ACTG2: variants seen among roughly 807,000 people sequenced by gnomAD.
The protein encoded by ACTG2 is actin gamma 2, smooth muscle.
Under a neutral mutation model 37.6 loss-of-function variants are expected in ACTG2, and 16 were observed. The observed-to-expected ratio is 0.43, with a 90% confidence interval of 0.29 to 0.65. The LOEUF (loss-of-function observed/expected upper bound fraction) is 0.65. Ranked by LOEUF, ACTG2 falls within the 30% of genes least tolerant of loss-of-function variation. ACTG2 has a pLI of 0.18. For missense variants in ACTG2, 238 were observed against 490.9 expected (o/e 0.48, Z 4.87); for synonymous variants, 181 against 179.9 (o/e 1.01, Z -0.05).
chr2:73,916,942 T>C (rs1680283798), intron 8 of ACTG2, among the ~76,000 whole-genome samples, 177 bp downstream of exon 8: 2 of 152,222 alleles, frequency 1.3e-5, no homozygotes, highest in African/African-American at 4.8e-5. Flanking sequence ...ATTGATGGGC[T>C]GAAGACCCAC....
intron 3 of ACTG2, among the ~76,000 whole-genome samples, chr2:73,908,121 C>A (rs930400494): frequency 2.0e-5 from 3 of 152,204 alleles, no homozygotes; most frequent in African/African-American, 7.2e-5. Flanking sequence ...ACAGAGGGAG[C>A]TCTCACACCC....
intron 3 of ACTG2, chr2:73,908,330 G>T (rs184183916): frequency 7.5e-5 from 36 of 479,998 alleles, no homozygotes; most frequent in African/African-American, 7.1e-4. Context: ...ATAGCCAGAA[G>T]CCAGAAAGCA....
chr2:73,905,829 T>G (rs538702564), intron 3 of ACTG2, among the ~76,000 whole-genome samples: 1 of 152,176 alleles, frequency 6.6e-6, no homozygotes, highest in East Asian at 1.9e-4. Flanking sequence ...CAAAGATAAC[T>G]ATCATAGGAT....
Position 73,913,598 on chromosome 2 carries a change from T to G in ACTG2, c.565T>G (p.Tyr189Asp). Residue 189 changes from tyrosine to aspartate, a missense_variant, in exon 6 of 9, where the codon TAC (tyrosine) becomes GAC (aspartate). Coordinates refer to ENST00000345517, the MANE Select transcript of ACTG2 (RefSeq NM_001615.4). ...CTTGGCTGGCCGTGACCTCACGGAC[T>G]ACCTCATGAAGATCCTCACAGAGAG... The part of the protein sequence containing the change: ...LDLAGRDLTD[Y>D]LMKILTERGY... 6.2e-7 allele frequency: 1 copy of G among 1,613,918 alleles called. No individual in the cohort carries two copies. Among genetic ancestry groups the G allele is most frequent in the Non-Finnish European group, 8.5e-7 (1 of 1,179,884 alleles).
chr2:73,895,465 A>G (rs1295541655), intron 1 of ACTG2, among the ~76,000 whole-genome samples: 2 of 152,114 alleles, frequency 1.3e-5, no homozygotes, highest in Non-Finnish European at 2.9e-5. Flanking sequence ...TTCATAGACA[A>G]TTTCTCTCTG....
chr2:73,900,381 A>C lies in ACTG2; in HGVS notation c.-36-895A>C, dbSNP rs565272436. Among the ~76,000 whole-genome samples, 9 of 152,368 alleles carry C rather than the reference A, an allele frequency of 5.9e-5. No individual in the cohort carries two copies. In the East Asian group the frequency reaches 1.7e-3, roughly 29 times the overall value. On this transcript the variant is annotated intron_variant, in intron 1 of 8. Coordinates refer to ENST00000345517, the MANE Select transcript of ACTG2 (RefSeq NM_001615.4). ...TGTTTGTAACTCAAAAGAAAGAAAG[A>C]AAAAGAAAAAGATACAGGAAGGAAG... is the stretch of plus-strand genomic sequence containing the variant.
intron 3 of ACTG2, among the ~76,000 whole-genome samples, chr2:73,906,532 G>A (rs951183744): frequency 6.6e-6 from 1 of 152,156 alleles, no homozygotes; most frequent in Non-Finnish European, 1.5e-5. Flanking sequence ...CCAGGCCGGA[G>A]TGCAGTGGTG....
chr2:73,895,667 A>G (rs1679731652), intron 1 of ACTG2, among the ~76,000 whole-genome samples: 1 of 152,270 alleles, frequency 6.6e-6, no homozygotes, highest in South Asian at 2.1e-4. Flanking sequence ...GAGAACTGAC[A>G]TAAATTCAAC....
chr2:73,915,908 C>T (rs1243371939), intron 7 of ACTG2, among the ~76,000 whole-genome samples: 4 of 151,778 alleles, frequency 2.6e-5, no homozygotes, highest in South Asian at 2.1e-4. Flanking sequence ...GGGGAGTGAC[C>T]GCTATTAGGT....
At chr2:73,902,731 C>A (rs1200655292) in intron 3 of ACTG2, 13 of 1,550,968 alleles carry the variant, frequency 8.4e-6, no homozygotes, top group Non-Finnish European at 1.0e-5. Context: ...CGAATTAATT[C>A]TCTACACTGC....
chr2:73,914,419 C>T (rs1573473402), intron 6 of ACTG2, among the ~76,000 whole-genome samples: 1 of 152,034 alleles, frequency 6.6e-6, no homozygotes, highest in African/African-American at 2.4e-5. Flanking sequence ...ATTAGCCGAG[C>T]TTAGTGGCGC....
At position 73,902,341 on chromosome 2, in the gene ACTG2, T is replaced by C. The variant is rs1202670072; in HGVS notation, c.127-19T>C. 6.2e-7 allele frequency: 1 copy of C among 1,612,800 alleles called. No individual in the cohort carries two copies. The highest frequency in any genetic ancestry group is 1.7e-5 in the Admixed American group (1 of 59,940). On this transcript the variant is annotated intron_variant, in intron 2 of 8. Transcript: ENST00000345517. Reference sequence around the variant, plus strand: ...AGCCCTCAGCCATTCATTTCTCTTTTCTTCTTTTTGCATTGCAGGGTGTGA... The same window carrying C: ...AGCCCTCAGCCATTCATTTCTCTTTCCTTCTTTTTGCATTGCAGGGTGTGA...
At chr2:73,908,854 C>G (rs765069245) in intron 4 of ACTG2, 71 bp downstream of exon 4, 1 of 1,390,106 alleles carries the variant, frequency 7.2e-7, no homozygotes, top group South Asian at 1.2e-5. Context: ...TACTTTCTCC[C>G]CTTCAAACAT....
chr2:73,905,622 G>A (rs192446134), intron 3 of ACTG2, among the ~76,000 whole-genome samples: 88 of 152,266 alleles, frequency 5.8e-4, no homozygotes, highest in Non-Finnish European at 1.1e-3. Context: ...TTTTAAGAGT[G>A]AGAGCACTGA....
intron 3 of ACTG2, chr2:73,903,059 T>G (rs1558623341): frequency 4.0e-6 from 1 of 249,728 alleles, no homozygotes; most frequent in Non-Finnish European, 7.6e-6. Context: ...AGTTTCTAAG[T>G]AGAACTCTCT....
intron 5 of ACTG2, among the ~76,000 whole-genome samples, chr2:73,909,800 C>A (rs942093660): frequency 6.6e-6 from 1 of 152,066 alleles, no homozygotes; most frequent in African/African-American, 2.4e-5. Flanking sequence ...GCTTGCAAGA[C>A]TAGAAGTTGC....
At chr2:73,908,538 G>A (rs1477881109) in intron 3 of ACTG2, 135 bp from the exon 4 acceptor site, 2 of 756,644 alleles carry the variant, frequency 2.6e-6, no homozygotes, top group Non-Finnish European at 4.3e-6. Context: ...AAATTTCCAG[G>A]GCTGACCATT....
rs1025476292 is a variant in ACTG2, at chr2:73,898,974, CT to C, written c.-36-2293del. Among the ~76,000 whole-genome samples the C allele has an allele frequency of 4.0e-5, 6 of 149,816 alleles. No homozygotes were observed. In the East Asian group the frequency reaches 5.9e-4, roughly 15 times the overall value. On this transcript the variant is annotated intron_variant, in intron 1 of 8. Coordinates refer to ENST00000345517, the MANE Select transcript of ACTG2 (RefSeq NM_001615.4). ...CCCGCCACCATGCCTGGGTAATTTT[CT>C]TTTTTTTTGTATTTTTAGTAGAGAC...
At chr2:73,909,504 A>G (rs916149183) in intron 5 of ACTG2, among the ~76,000 whole-genome samples, 22 of 152,304 alleles carry the variant, frequency 1.4e-4, no homozygotes, top group South Asian at 6.2e-4. Context: ...ACGTTCCGAG[A>G]AATGTGTGTC....
Sources: gnomAD v4.1 joint callset for allele counts (sites outside exome capture counted in the v4.1 genomes callset) on GRCh38, gnomAD v4.1.1 for gene constraint, MANE v1.5 for transcripts, NCBI Gene and HGNC (gene_info 2026-07-23, HGNC 2026-07-21) for gene names.